ENTPD7: variants seen among roughly 807,000 people sequenced by gnomAD.
ENTPD7 encodes ectonucleoside triphosphate diphosphohydrolase 7, also known as NTPDase 7.
In ENTPD7, 53 loss-of-function variants were observed where a neutral mutation model predicts 77.9. The ratio of observed to expected loss-of-function variants is 0.68; its 90% CI spans 0.55 to 0.85. ENTPD7 has a LOEUF of 0.85. Ranked by LOEUF, ENTPD7 falls within the 40% of genes least tolerant of loss-of-function variation. The pLI is 0.00. For synonymous variants in ENTPD7, 248 were observed against 274.9 expected, an observed-to-expected ratio of 0.90 and a Z score of 0.97; for missense variants, 636 against 743.7, an observed-to-expected ratio of 0.86 and a Z score of 1.68.
chr10:99,660,792 GTCACCTGTAA>G (rs2035474550), intron 2 of ENTPD7, among the ~76,000 whole-genome samples: 1 of 152,150 alleles, frequency 6.6e-6, no homozygotes, highest in African/African-American at 2.4e-5. Context: ...TGTGGTGGCA[GTCACCTGTAA>G]TCCCAGCTAC....
intron 5 of ENTPD7, among the ~76,000 whole-genome samples, chr10:99,680,357 G>C (rs539693085): frequency 6.6e-6 from 1 of 152,078 alleles, no homozygotes; most frequent in Admixed American, 6.5e-5. Flanking sequence ...CTTGACCTTT[G>C]CAATTCAGCC....
chr10:99,685,810 G>T lies in ENTPD7; in HGVS notation c.567G>T (p.Leu189Phe). Residue 189 changes from leucine (L) to phenylalanine (F), a missense_variant, in exon 6 of 13, where the codon TTG (leucine) becomes TTT (phenylalanine). Leu to Phe is a conservative substitution (Grantham distance 22). Coordinates refer to ENST00000370489, the MANE Select transcript of ENTPD7 (RefSeq NM_020354.5). ...LLPERKQLAI[L>F]ADLVKDLPLE... ...CTTGCAGGAAGCAGTTGGCTATCTT[G>T]GCTGACCTAGTGAAAGATTTACCAC... 1 of 1,613,748 alleles carries T rather than the reference G, an allele frequency of 6.2e-7. No individual in the cohort carries two copies. Among genetic ancestry groups the T allele is most frequent in the Non-Finnish European group, 8.5e-7 (1 of 1,179,842 alleles).
chr10:99,707,931 G>C lies in ENTPD7; in HGVS notation c.*3248G>C, dbSNP rs1212029847. ...CCCACACCAAGGAACAAATTCAGGGGGTACAAGTGCAGGTTTGTTACATGA... is the reference window on the plus strand; with the variant it reads ...CCCACACCAAGGAACAAATTCAGGGCGTACAAGTGCAGGTTTGTTACATGA... On this transcript the variant is annotated 3_prime_UTR_variant, in exon 13 of 13. Transcript: ENST00000370489. 6.6e-6 allele frequency among the ~76,000 whole-genome samples: 1 copy of C among 152,150 alleles called. No individual in the cohort carries two copies. The highest frequency in any genetic ancestry group is 2.4e-5 in the African/African-American group (1 of 41,420).
intron 6 of ENTPD7, among the ~76,000 whole-genome samples, chr10:99,686,375 A>G (rs2035810945): frequency 1.3e-5 from 2 of 152,076 alleles, no homozygotes; most frequent in South Asian, 4.1e-4. Flanking sequence ...ATCTCACACT[A>G]TTGGGTTTGT....
intron 6 of ENTPD7, among the ~76,000 whole-genome samples, chr10:99,687,586 C>G (rs1043646211): frequency 1.3e-5 from 2 of 152,210 alleles, no homozygotes; most frequent in East Asian, 3.9e-4. Context: ...TTTTCAAAGC[C>G]TTGGCCACTG....
rs759313528 is a variant in ENTPD7, at chr10:99,695,986, T to A, written c.874T>A (p.Phe292Ile). The A allele has an allele frequency of 9.3e-6, 15 of 1,613,690 alleles. No individual in the cohort carries two copies. The African/African-American group carries it at 1.5e-4, about 16-fold the overall frequency. ...AGCTGCCAAGATCCTGCTGGCTGAG[T>A]TCAACCTGGGCTGTGATGTGCAACA... is the stretch of plus-strand genomic sequence containing the variant. ...EEAAKILLAE[F>I]NLGCDVQHTE... Residue 292 changes from phenylalanine to isoleucine, a missense_variant, in exon 9 of 13, where the codon TTC becomes ATC. This residue lies in a region of ENTPD7 where 486 missense variants were observed against 556.5 expected (regional missense o/e 0.87). Coordinates refer to ENST00000370489, the MANE Select transcript of ENTPD7 (RefSeq NM_020354.5).
At chr10:99,661,419 G>C (rs2035484820) in intron 2 of ENTPD7, 27 bp from the exon 3 acceptor site, 1 of 1,571,030 alleles carries the variant, frequency 6.4e-7, no homozygotes, top group South Asian at 1.2e-5. Flanking sequence ...AAATGTTTCA[G>C]ACTTACTAAT....
At chr10:99,701,691 A>G (rs1405162923) in intron 11 of ENTPD7, among the ~76,000 whole-genome samples, 1 of 152,154 alleles carries the variant, frequency 6.6e-6, no homozygotes, top group African/African-American at 2.4e-5. Flanking sequence ...ACACAGCTTC[A>G]ACAAATAACA....
At chr10:99,669,541 A>G (rs1302410977) in intron 3 of ENTPD7, among the ~76,000 whole-genome samples, 1 of 151,976 alleles carries the variant, frequency 6.6e-6, no homozygotes, top group Non-Finnish European at 1.5e-5. Context: ...TATTTGATAC[A>G]AAAAAAGTAA....
chr10:99,700,414 ATGTG>A (rs66525481), intron 10 of ENTPD7, among the ~76,000 whole-genome samples: 39 of 9,818 alleles, frequency 4.0e-3, no homozygotes, highest in South Asian at 0.018. Flanking sequence ...GTGTGTGTGT[ATGTG>A]TGTGTGTGTG....
intron 12 of ENTPD7, among the ~76,000 whole-genome samples, chr10:99,703,475 G>T (rs377749155): frequency 6.6e-5 from 10 of 152,154 alleles, no homozygotes; most frequent in Admixed American, 5.9e-4. Context: ...AGAAAAGTCA[G>T]AAATCCATAT....
rs983752791 is a variant in ENTPD7 at position 99,707,651 on chromosome 10, T to C, written c.*2968T>C. Among the ~76,000 whole-genome samples the C allele has an allele frequency of 6.6e-5, 10 of 152,240 alleles. No individual in the cohort carries two copies. The highest frequency in any genetic ancestry group is 1.5e-4 in the Non-Finnish European group (10 of 68,040). ...ATGAACCTGAACTGTTTTAGGACTCTTGTTATTACTGAGACAGGTCACAAA... is the reference window on the plus strand; with the variant it reads ...ATGAACCTGAACTGTTTTAGGACTCCTGTTATTACTGAGACAGGTCACAAA... On this transcript the variant is annotated 3_prime_UTR_variant, in exon 13 of 13. Coordinates refer to ENST00000370489, the MANE Select transcript of ENTPD7 (RefSeq NM_020354.5).
At chr10:99,692,267 C>T (rs2035894481) in intron 8 of ENTPD7, among the ~76,000 whole-genome samples, 1 of 152,118 alleles carries the variant, frequency 6.6e-6, no homozygotes, top group East Asian at 1.9e-4. Flanking sequence ...AGGGGTTATC[C>T]CATGCATCAT....
At chr10:99,675,043 C>G (rs1479380739) in intron 3 of ENTPD7, among the ~76,000 whole-genome samples, 2 of 152,070 alleles carry the variant, frequency 1.3e-5, no homozygotes, top group Non-Finnish European at 2.9e-5. Flanking sequence ...TGAGGTAAAC[C>G]CAGCTGCTTT....
rs372653473 is a variant in ENTPD7 at position 99,679,475 on chromosome 10, C to T, written c.397+9C>T. 4.4e-6 allele frequency: 7 copies of T among 1,603,656 alleles called. No homozygotes were observed. The highest frequency in any genetic ancestry group is 2.7e-5 in the African/African-American group (2 of 74,170). ...TAAAAAAATCAAGCCAGGTACTAATCAGAATATATTTTGTTGTCAGTCTCT... is the reference window on the plus strand; with the variant it reads ...TAAAAAAATCAAGCCAGGTACTAATTAGAATATATTTTGTTGTCAGTCTCT... On this transcript the variant is annotated intron_variant, in intron 4 of 12. Coordinates refer to ENST00000370489, the MANE Select transcript of ENTPD7 (RefSeq NM_020354.5).
chr10:99,690,995 CT>C (rs575922825), intron 7 of ENTPD7, among the ~76,000 whole-genome samples: 1 of 151,784 alleles, frequency 6.6e-6, no homozygotes, highest in African/African-American at 2.4e-5. Context: ...TGTTTGCTTT[CT>C]TTTTTTTATT....
chr10:99,685,167 G>A (rs945633744), intron 5 of ENTPD7, among the ~76,000 whole-genome samples: 1 of 152,204 alleles, frequency 6.6e-6, no homozygotes, highest in African/African-American at 2.4e-5. Context: ...TGAGGCAGGA[G>A]AATCACTTGA....
rs61738520 is a variant in ENTPD7 at position 99,704,586 on chromosome 10, G to A, written c.1718G>A (p.Arg573His). ...LAIFLYLLRL[R>H]RIHHRQTRAS... Reference sequence around the variant, plus strand: ...ATCTTCCTATACCTTCTGCGGCTACGCCGAATTCACCACCGACAAACACGA... The same window carrying A: ...ATCTTCCTATACCTTCTGCGGCTACACCGAATTCACCACCGACAAACACGA... The change falls in exon 13 of 13, where the codon CGC (arginine) becomes CAC (histidine). Residue 573 changes from arginine (R) to histidine (H), a missense_variant. This residue lies in a region of ENTPD7 where 138 missense variants were observed against 150.9 expected (regional missense o/e 0.91). Coordinates refer to ENST00000370489, the MANE Select transcript of ENTPD7 (RefSeq NM_020354.5). The A allele has an allele frequency of 2.4e-5, 39 of 1,613,984 alleles. No homozygotes were observed. Among genetic ancestry groups the A allele is most frequent in the South Asian group, 2.3e-4 (21 of 91,076 alleles).
chr10:99,665,828 C>T (rs1375077016), intron 3 of ENTPD7, among the ~76,000 whole-genome samples: 1 of 152,060 alleles, frequency 6.6e-6, no homozygotes, highest in African/African-American at 2.4e-5. Flanking sequence ...GGCATGAGTA[C>T]CATGCCAGCC....
Sources: allele counts gnomAD v4.1 joint callset (sites outside exome capture counted in the v4.1 genomes callset), GRCh38; gene constraint gnomAD v4.1.1; regional missense constraint gnomAD v4.1.1; transcripts MANE v1.5; gene names NCBI Gene and HGNC (gene_info 2026-07-23, HGNC 2026-07-21).